Variants in MAF observed in about 807,000 individuals in gnomAD.
MAF encodes the protein transcription factor Maf.
Under a neutral mutation model 22.0 loss-of-function variants are expected in MAF, and 10 were observed. The observed-to-expected ratio is 0.45, with a 90% CI of 0.28 to 0.77. The LOEUF (loss-of-function observed/expected upper bound fraction) is 0.77. Among genes scored for constraint, MAF ranks in the 30% least tolerant of loss-of-function variants. The probability of loss-of-function intolerance (pLI) is 0.12; values close to 1 mark genes in which losing one functional copy is unlikely to be tolerated. For missense variants in MAF, 544 were observed against 548.4 expected, an observed-to-expected ratio of 0.99 and a Z score of 0.08; for synonymous variants, 337 against 255.8, an observed-to-expected ratio of 1.32 and a Z score of -3.03.
the MAF span, among the ~76,000 whole-genome samples, chr16:79,459,100 T>C: frequency 2.0e-5 from 3 of 152,162 alleles, no homozygotes; most frequent in African/African-American, 7.2e-5. Context: ...CTCAGTAAGG[T>C]AGGCACCATT....
the MAF span, among the ~76,000 whole-genome samples, chr16:79,259,069 C>G: frequency 1.3e-5 from 2 of 152,202 alleles, no homozygotes; most frequent in Non-Finnish European, 2.9e-5. Context: ...CAACCATCCC[C>G]TAAACCCCAG....
At chr16:79,442,787 G>A in the MAF span, among the ~76,000 whole-genome samples, 33 of 152,324 alleles carry the variant, frequency 2.2e-4, no homozygotes, top group East Asian at 6.2e-3. Context: ...ACACAAGAAG[G>A]TGTGAGAGAC....
the MAF span, chr16:79,206,442 A>T: frequency 6.6e-6 from 1 of 152,218 alleles, no homozygotes; most frequent in Non-Finnish European, 1.5e-5. Flanking sequence ...GATATCAGGT[A>T]GGCTTCTCTC....
At chr16:79,501,434 C>T in the MAF span, among the ~76,000 whole-genome samples, 2 of 152,158 alleles carry the variant, frequency 1.3e-5, no homozygotes, top group Non-Finnish European at 2.9e-5. Flanking sequence ...TCTGGGGGGA[C>T]ACCAGTCAAG....
the MAF span, among the ~76,000 whole-genome samples, chr16:79,373,563 A>G: frequency 6.6e-6 from 1 of 151,472 alleles, no homozygotes; most frequent in African/African-American, 2.4e-5. Flanking sequence ...TTGTATTTTT[A>G]GTAGAGACGG....
At chr16:79,597,650 G>T (rs192631640) in intron 1 of MAF, 1 of 1,020,918 alleles carries the variant, frequency 9.8e-7, no homozygotes, top group African/African-American at 1.7e-5. Flanking sequence ...AGGCTCTACG[G>T]TTGCACTGTT....
At chr16:79,257,477 T>C in the MAF span, among the ~76,000 whole-genome samples, 1 of 152,204 alleles carries the variant, frequency 6.6e-6, no homozygotes, top group Non-Finnish European at 1.5e-5. Context: ...AAGGCCATAA[T>C]GTCTACCATA....
At chr16:79,503,114 T>C in the MAF span, among the ~76,000 whole-genome samples, 1 of 152,062 alleles carries the variant, frequency 6.6e-6, no homozygotes, top group Admixed American at 6.6e-5. Flanking sequence ...GACAGCTTGG[T>C]TTACGGGCTG....
At chr16:79,432,091 G>A in the MAF span, among the ~76,000 whole-genome samples, 22 of 152,140 alleles carry the variant, frequency 1.4e-4, no homozygotes, top group Non-Finnish European at 2.1e-4. Flanking sequence ...TGTCAAGGGC[G>A]GGACTAGGTG....
At chr16:79,330,181 C>T in the MAF span, among the ~76,000 whole-genome samples, 11 of 152,252 alleles carry the variant, frequency 7.2e-5, no homozygotes, top group Admixed American at 4.6e-4. Context: ...CTACACATGC[C>T]GCCTGCAATC....
At chr16:79,256,825 C>A in the MAF span, among the ~76,000 whole-genome samples, 5 of 152,138 alleles carry the variant, frequency 3.3e-5, no homozygotes, top group Non-Finnish European at 7.4e-5. Flanking sequence ...TCACGTGAGT[C>A]TAGGCATGGG....
At chr16:79,364,567 G>A in the MAF span, among the ~76,000 whole-genome samples, 1 of 152,152 alleles carries the variant, frequency 6.6e-6, no homozygotes, top group Admixed American at 6.5e-5. Flanking sequence ...CATCAAACAT[G>A]GTCCCTGACA....
chr16:79,254,565 T>G, the MAF span, among the ~76,000 whole-genome samples: 1 of 152,228 alleles, frequency 6.6e-6, no homozygotes, highest in African/African-American at 2.4e-5. Context: ...AGAAACATCT[T>G]AGAGATAGTT....
chr16:79,495,851 G>C, the MAF span, among the ~76,000 whole-genome samples: 2 of 152,044 alleles, frequency 1.3e-5, no homozygotes, highest in African/African-American at 4.8e-5. Context: ...CTTACTTCTG[G>C]GCACCATGGA....
the MAF span, among the ~76,000 whole-genome samples, chr16:79,287,701 T>A: frequency 1.3e-5 from 2 of 152,220 alleles, no homozygotes; most frequent in African/African-American, 4.8e-5. Flanking sequence ...ACTCATTCTT[T>A]CATTCACTCA....
At chr16:79,313,822 T>C in the MAF span, among the ~76,000 whole-genome samples, 1 of 152,026 alleles carries the variant, frequency 6.6e-6, no homozygotes, top group Non-Finnish European at 1.5e-5. Flanking sequence ...AGGCTTGGAG[T>C]CAGGGGGATA....
At chr16:79,491,605 T>C in the MAF span, among the ~76,000 whole-genome samples, 4 of 152,104 alleles carry the variant, frequency 2.6e-5, no homozygotes, top group Admixed American at 2.6e-4. Flanking sequence ...TAAGCCTGGA[T>C]TTGCATGCAC....
At chr16:79,331,988 A>T in the MAF span, among the ~76,000 whole-genome samples, 3 of 152,238 alleles carry the variant, frequency 2.0e-5, no homozygotes, top group African/African-American at 7.2e-5. Flanking sequence ...CCATAGACGT[A>T]AAAGTTAATT....
the MAF span, among the ~76,000 whole-genome samples, chr16:79,514,061 C>T: frequency 3.3e-5 from 5 of 152,210 alleles, no homozygotes; most frequent in African/African-American, 4.8e-5. Flanking sequence ...CCTTCCCCTA[C>T]ATTTTAGTAA....
Sources: gnomAD v4.1 joint callset for allele counts (sites outside exome capture counted in the v4.1 genomes callset) on GRCh38, gnomAD v4.1.1 for gene constraint, MANE v1.5 for transcripts, NCBI Gene and HGNC (gene_info 2026-07-23, HGNC 2026-07-21) for gene names.